The following EPHA5 variants were observed in gnomAD, a reference collection of about 807,000 sequenced individuals.
EPHA5 encodes ephrin type-A receptor 5.
EPHA5 carries 60 observed loss-of-function variants against 105.0 expected under a neutral mutation model. The ratio of observed to expected loss-of-function variants is 0.57; its 90% CI spans 0.46 to 0.71. EPHA5 has a LOEUF of 0.71. Among genes scored for constraint, EPHA5 ranks in the 30% least tolerant of loss-of-function variants. The probability of loss-of-function intolerance (pLI) is 0.00; values close to 1 mark genes in which losing one functional copy is unlikely to be tolerated. For synonymous variants in EPHA5, 513 were observed against 449.1 expected (o/e 1.14, Z -1.80); for missense variants, 1,218 against 1,274.7 (o/e 0.96, Z 0.68).
intron 3 of EPHA5, among the ~76,000 whole-genome samples, chr4:65,527,429 C>G (rs531066046): frequency 6.6e-6 from 1 of 151,990 alleles, no homozygotes; most frequent in African/African-American, 2.4e-5. Flanking sequence ...TAGACACACA[C>G]AGAGCAAATA....
At chr4:65,372,730 T>C (rs1053713310) in intron 8 of EPHA5, among the ~76,000 whole-genome samples, 3 of 151,880 alleles carry the variant, frequency 2.0e-5, no homozygotes, top group Non-Finnish European at 2.9e-5. Context: ...AACCCTATGA[T>C]TAATGCCATG....
intron 8 of EPHA5, among the ~76,000 whole-genome samples, chr4:65,372,186 A>T (rs1560465299): frequency 6.6e-6 from 1 of 151,966 alleles, no homozygotes; most frequent in Non-Finnish European, 1.5e-5. Flanking sequence ...ATACTGCTGG[A>T]AACTTGAAAG....
intron 2 of EPHA5, among the ~76,000 whole-genome samples, chr4:65,603,774 A>G (rs1743965323): frequency 6.6e-6 from 1 of 152,120 alleles, no homozygotes; most frequent in Admixed American, 6.6e-5. Context: ...TTCTTTCACT[A>G]AATCTCATTT....
At chr4:65,443,159 T>C (rs951017142) in intron 5 of EPHA5, among the ~76,000 whole-genome samples, 10 of 152,106 alleles carry the variant, frequency 6.6e-5, no homozygotes, top group Admixed American at 1.3e-4. Context: ...GGGTTTGCCC[T>C]AGTTATTTAC....
At chr4:65,481,199 G>A (rs113923504) in intron 5 of EPHA5, among the ~76,000 whole-genome samples, 1 of 152,132 alleles carries the variant, frequency 6.6e-6, no homozygotes, top group Non-Finnish European at 1.5e-5. Flanking sequence ...CCAAGATTAA[G>A]TTCTTAGTTT....
At chr4:65,431,403 A>C (rs749338811) in intron 5 of EPHA5, among the ~76,000 whole-genome samples, 4 of 152,206 alleles carry the variant, frequency 2.6e-5, no homozygotes, top group African/African-American at 9.6e-5. Flanking sequence ...ACTTGTAAAA[A>C]GTAACATAAA....
In EPHA5 at chr4:65,490,664, C is replaced by T. The variant is rs759654080; in HGVS notation, c.1115G>A (p.Ser372Asn). The change falls in exon 5 of 17, where the codon AGT becomes AAT. Residue 372 changes from serine (S) to asparagine (N), a missense_variant. Coordinates refer to ENST00000613740, the MANE Select transcript of EPHA5 (RefSeq NM_001281766.3). ...AGGCGGAATCCATTCCAGAAAGACACTAGTTTCATTAACATTTGAGATGGC... is the reference window on the plus strand; with the variant it reads ...AGGCGGAATCCATTCCAGAAAGACATTAGTTTCATTAACATTTGAGATGGC... ...RNAISNVNETSVFLEWIPPAD... is the reference protein window; with the variant it reads ...RNAISNVNETNVFLEWIPPAD... 3 of 1,614,090 alleles carry T rather than the reference C, an allele frequency of 1.9e-6. No individual in the cohort carries two copies. Among genetic ancestry groups the T allele is most frequent in the Non-Finnish European group, 2.5e-6 (3 of 1,180,000 alleles).
chr4:65,471,047 T>C (rs1360897235), intron 5 of EPHA5, among the ~76,000 whole-genome samples: 1 of 152,220 alleles, frequency 6.6e-6, no homozygotes, highest in Non-Finnish European at 1.5e-5. Context: ...CCAATATCTA[T>C]ACATCAGTTC....
chr4:65,551,164 C>A, intron 3 of EPHA5, among the ~76,000 whole-genome samples: 1 of 100,724 alleles, frequency 9.9e-6, no homozygotes. Context: ...ATTTATTATC[C>A]AAACATAAGT....
At chr4:65,597,982 T>C (rs1297490858) in intron 3 of EPHA5, among the ~76,000 whole-genome samples, 1 of 152,182 alleles carries the variant, frequency 6.6e-6, no homozygotes, top group Non-Finnish European at 1.5e-5. Context: ...AAGCATGATA[T>C]GACAGCAAGT....
chr4:65,614,319 A>C (rs1745035241), intron 2 of EPHA5, among the ~76,000 whole-genome samples: 1 of 151,906 alleles, frequency 6.6e-6, no homozygotes, highest in Admixed American at 6.6e-5. Flanking sequence ...CATAACAGAA[A>C]ACATACATAG....
intron 5 of EPHA5, among the ~76,000 whole-genome samples, chr4:65,484,034 T>C (rs962970238): frequency 6.6e-6 from 1 of 152,180 alleles, no homozygotes; most frequent in African/African-American, 2.4e-5. Flanking sequence ...AAAATACCTT[T>C]AATTAGGTGG....
chr4:65,615,219 G>GA (rs1305474895), intron 2 of EPHA5, among the ~76,000 whole-genome samples: 3 of 151,404 alleles, frequency 2.0e-5, no homozygotes, highest in Non-Finnish European at 1.5e-5. Context: ...AGGAGTAAGA[G>GA]AAAAAAATGG....
intron 2 of EPHA5, among the ~76,000 whole-genome samples, chr4:65,615,111 C>T (rs1028737516): frequency 6.6e-6 from 1 of 151,372 alleles, no homozygotes; most frequent in Non-Finnish European, 1.5e-5. Context: ...ATAAAATGAA[C>T]TGGAAAAATA....
At chr4:65,420,300 C>T in intron 6 of EPHA5, 141 bp downstream of exon 6, 3 of 818,652 alleles carry the variant, frequency 3.7e-6, no homozygotes, top group East Asian at 2.7e-5. Context: ...CACTTCTAGC[C>T]TCCATAATTA....
intron 1 of EPHA5, among the ~76,000 whole-genome samples, chr4:65,646,032 AT>A (rs1185985153): frequency 6.6e-6 from 1 of 152,156 alleles, no homozygotes; most frequent in African/African-American, 2.4e-5. Context: ...ATAAATTAGG[AT>A]TTGATTCTCA....
chr4:65,455,778 C>T (rs1327904358), intron 5 of EPHA5, among the ~76,000 whole-genome samples: 1 of 152,166 alleles, frequency 6.6e-6, no homozygotes, highest in Non-Finnish European at 1.5e-5. Context: ...ACTGCTCAAT[C>T]TAACCTTCAT....
chr4:65,474,743 C>T (rs187678535), intron 5 of EPHA5, among the ~76,000 whole-genome samples: 25 of 152,150 alleles, frequency 1.6e-4, no homozygotes, highest in Non-Finnish European at 2.5e-4. Flanking sequence ...ATCCAATGAA[C>T]GGTTAATTAT....
chr4:65,550,329 G>C, intron 3 of EPHA5, among the ~76,000 whole-genome samples: 1 of 151,952 alleles, frequency 6.6e-6, no homozygotes, highest in Non-Finnish European at 1.5e-5. Flanking sequence ...AAAATATGTT[G>C]AACCATTACA....
Sources: allele counts gnomAD v4.1 joint callset (sites outside exome capture counted in the v4.1 genomes callset), GRCh38; gene constraint gnomAD v4.1.1; transcripts MANE v1.5; gene names NCBI Gene and HGNC (gene_info 2026-07-23, HGNC 2026-07-21).